UBE2H: variants seen among roughly 807,000 people sequenced by gnomAD.
The protein encoded by UBE2H is ubiquitin-conjugating enzyme E2 H.
A neutral mutation model predicts 29.0 loss-of-function variants in UBE2H; 3 were observed. The observed-to-expected ratio is 0.10, with a 90% CI of 0.05 to 0.27. The LOEUF (loss-of-function observed/expected upper bound fraction) is 0.27. UBE2H is among the 10% of genes least tolerant of loss of function. The pLI, the probability that UBE2H is intolerant of heterozygous loss-of-function variation, is 1.00. For synonymous variants in UBE2H, 69 were observed against 82.9 expected, an observed-to-expected ratio of 0.83 and a Z score of 0.91; for missense variants, 68 against 228.2, an observed-to-expected ratio of 0.30 and a Z score of 4.52.
intron 3 of UBE2H, among the ~76,000 whole-genome samples, chr7:129,863,188 A>G (rs1805833756): frequency 6.6e-6 from 1 of 152,224 alleles, no homozygotes; most frequent in Non-Finnish European, 1.5e-5. Flanking sequence ...GAGTACAGGA[A>G]TAAATAACAG....
intron 1 of UBE2H, among the ~76,000 whole-genome samples, chr7:129,950,398 G>GA (rs943407174): frequency 2.6e-5 from 4 of 151,518 alleles, no homozygotes; most frequent in Non-Finnish European, 4.4e-5. Context: ...CTTAGGGGGA[G>GA]AAAAAAAAGA....
At chr7:129,892,406 C>T (rs997954345) in intron 1 of UBE2H, among the ~76,000 whole-genome samples, 2 of 152,010 alleles carry the variant, frequency 1.3e-5, no homozygotes, top group African/African-American at 4.8e-5. Context: ...TGCACACCAC[C>T]ACGCCCGGCT....
At chr7:129,918,762 C>CTATGTA in intron 1 of UBE2H, among the ~76,000 whole-genome samples, 1 of 152,160 alleles carries the variant, frequency 6.6e-6, no homozygotes, top group East Asian at 1.9e-4. Flanking sequence ...GACCCTTTCT[C>CTATGTA]TATGTATATG....
At chr7:129,846,908 A>G (rs1054700180) in intron 5 of UBE2H, among the ~76,000 whole-genome samples, 1 of 152,198 alleles carries the variant, frequency 6.6e-6, no homozygotes, top group Non-Finnish European at 1.5e-5. Context: ...ACTTATCGGG[A>G]AAGACATCAG....
chr7:129,868,433 A>G (rs1805957030), intron 3 of UBE2H, among the ~76,000 whole-genome samples: 1 of 143,230 alleles, frequency 7.0e-6, no homozygotes. Flanking sequence ...ACAAAAAATT[A>G]GCCAGGCGCG....
At chr7:129,921,951 T>G (rs894444777) in intron 1 of UBE2H, among the ~76,000 whole-genome samples, 2 of 152,164 alleles carry the variant, frequency 1.3e-5, no homozygotes, top group African/African-American at 4.8e-5. Context: ...GGTGTGATAA[T>G]GGTACTGTGT....
intron 3 of UBE2H, among the ~76,000 whole-genome samples, chr7:129,876,597 T>A (rs1423002567): frequency 6.6e-6 from 1 of 152,248 alleles, no homozygotes; most frequent in Non-Finnish European, 1.5e-5. Context: ...ATTACTCGTT[T>A]TTCCATTCAT....
At chr7:129,860,500 T>C (rs899274786) in intron 3 of UBE2H, among the ~76,000 whole-genome samples, 3 of 152,204 alleles carry the variant, frequency 2.0e-5, no homozygotes, top group Non-Finnish European at 4.4e-5. Flanking sequence ...ACATTCTACA[T>C]TAACTTTAGA....
chr7:129,892,482 C>T (rs1172262170), intron 1 of UBE2H, among the ~76,000 whole-genome samples: 3 of 150,102 alleles, frequency 2.0e-5, no homozygotes, highest in Non-Finnish European at 3.0e-5. Context: ...AAACTCTTGA[C>T]CTCAGGTGAT....
chr7:129,934,367 G>A (rs1445261134), intron 1 of UBE2H, among the ~76,000 whole-genome samples: 2 of 151,840 alleles, frequency 1.3e-5, no homozygotes, highest in Non-Finnish European at 2.9e-5. Context: ...GCCAGGAGTG[G>A]TGGCTCACAC....
intron 1 of UBE2H, chr7:129,948,904 G>T: frequency 2.6e-6 from 1 of 381,064 alleles, no homozygotes; most frequent in South Asian, 1.9e-5. Context: ...ACCACTCAGA[G>T]GGCCTCCCCA....
At chr7:129,880,563 G>A (rs569551504) in intron 2 of UBE2H, among the ~76,000 whole-genome samples, 11 of 152,218 alleles carry the variant, frequency 7.2e-5, no homozygotes, top group East Asian at 1.9e-4. Flanking sequence ...TAACATTTGC[G>A]TTGTGTTAGC....
At chr7:129,944,438 T>A (rs1026846811) in intron 1 of UBE2H, among the ~76,000 whole-genome samples, 1 of 151,802 alleles carries the variant, frequency 6.6e-6, no homozygotes, top group African/African-American at 2.4e-5. Flanking sequence ...TGGACCATCA[T>A]CAGTAAACAT....
At chr7:129,896,999 T>A (rs1247891486) in intron 1 of UBE2H, among the ~76,000 whole-genome samples, 1 of 152,196 alleles carries the variant, frequency 6.6e-6, no homozygotes, top group Non-Finnish European at 1.5e-5. Flanking sequence ...AAAGTGTGAA[T>A]AATGGATCAT....
intron 1 of UBE2H, among the ~76,000 whole-genome samples, chr7:129,922,826 A>G (rs1261440323): frequency 6.6e-6 from 1 of 152,132 alleles, no homozygotes; most frequent in Non-Finnish European, 1.5e-5. Context: ...GGCTTAAACG[A>G]TCCTCCAGCC....
chr7:129,911,273 CAGG>C (rs1806931001), intron 1 of UBE2H, among the ~76,000 whole-genome samples: 1 of 151,746 alleles, frequency 6.6e-6, no homozygotes, highest in South Asian at 2.1e-4. Context: ...GAGGCTGAGG[CAGG>C]AGAATTGCTT....
chr7:129,928,326 G>A (rs964528111), intron 1 of UBE2H, among the ~76,000 whole-genome samples: 2 of 152,074 alleles, frequency 1.3e-5, no homozygotes, highest in African/African-American at 4.8e-5. Flanking sequence ...CTTATGGCCA[G>A]GCACGGTGGC....
At position 129,845,136 on chromosome 7, in the gene UBE2H, C is replaced by T. The variant is rs1210177396; in HGVS notation, c.299-5801G>A. On this transcript the variant is annotated intron_variant, in intron 5 of 6. Transcript: ENST00000355621. ...TGGAGTGAGACTCCCAAATCATAAA[C>T]AACTTATCATCAAAAGTAGCATCAC... is the stretch of plus-strand genomic sequence containing the variant. 2.0e-5 allele frequency among the ~76,000 whole-genome samples: 3 copies of T among 152,150 alleles called. No individual in the cohort carries two copies. The East Asian group carries it at 5.8e-4, about 29-fold the overall frequency.
At chr7:129,921,023 A>C (rs1807151206) in intron 1 of UBE2H, among the ~76,000 whole-genome samples, 1 of 151,500 alleles carries the variant, frequency 6.6e-6, no homozygotes, top group African/African-American at 2.4e-5. Context: ...CCTGGTGTTT[A>C]TAGTTCCAAA....
Sources: allele counts gnomAD v4.1 joint callset (sites outside exome capture counted in the v4.1 genomes callset), GRCh38; gene constraint gnomAD v4.1.1; transcripts MANE v1.5; gene names NCBI Gene and HGNC (gene_info 2026-07-23, HGNC 2026-07-21).